The following SECISBP2 variants were observed in gnomAD, a reference collection of about 807,000 sequenced individuals.
SECISBP2 encodes the protein selenocysteine insertion sequence-binding protein 2.
A neutral mutation model predicts 98.2 loss-of-function variants in SECISBP2; 96 were observed. That is an observed-to-expected ratio of 0.98 (90% CI 0.83 to 1.16). The LOEUF (loss-of-function observed/expected upper bound fraction) is 1.16. Ranked by LOEUF, SECISBP2 falls within the 50% of genes most tolerant of loss-of-function variation. The pLI is 0.00. For missense variants in SECISBP2, 1,046 were observed against 1,022.9 expected (o/e 1.02, Z -0.31); for synonymous variants, 407 against 370.2 (o/e 1.10, Z -1.14).
At position 89,329,088 on chromosome 9, in the gene SECISBP2, C is replaced by G. The variant is rs940915824; in HGVS notation, c.801+202C>G. 1.2e-5 allele frequency: 7 copies of G among 586,608 alleles called. No individual in the cohort carries two copies. In the East Asian group the frequency reaches 2.0e-4, roughly 17 times the overall value. The allele number at this position is 586,608 out of a possible 1,614,324, so 36.3% of individuals were successfully genotyped here. A position where few individuals can be genotyped will look rare whatever the true frequency, so the allele number is the denominator to read the frequency against. On this transcript the variant is annotated intron_variant, in intron 5 of 16. Coordinates refer to ENST00000375807, the MANE Select transcript of SECISBP2 (RefSeq NM_024077.5). ...AATGAGGCTGTAACATCTAGTGCAG[C>G]TATTGTTTTATTTGTGCGTTTTGTT... is the stretch of plus-strand genomic sequence containing the variant.
At chr9:89,353,235 T>A (rs1480133512) in intron 14 of SECISBP2, among the ~76,000 whole-genome samples, 1 of 152,194 alleles carries the variant, frequency 6.6e-6, no homozygotes, top group Non-Finnish European at 1.5e-5. Context: ...CTGTTGCTGC[T>A]TCTCCAAGGA....
At chr9:89,336,553 A>G (rs756804578) in intron 7 of SECISBP2, among the ~76,000 whole-genome samples, 1 of 152,126 alleles carries the variant, frequency 6.6e-6, no homozygotes, top group South Asian at 2.1e-4. Flanking sequence ...AATGGTAGCT[A>G]TGTATTTATA....
rs1167198560 is a variant in SECISBP2, at chr9:89,358,047, T to A, written c.2317T>A (p.Tyr773Asn). ...VELTVAARQA[Y>N]KTMLENVQQE... ...GCTGACAGTGGCGGCCCGACAGGCGTACAAGACCATGCTGGAGAATGTGCA... is the reference window on the plus strand; with the variant it reads ...GCTGACAGTGGCGGCCCGACAGGCGAACAAGACCATGCTGGAGAATGTGCA... Residue 773 changes from tyrosine (Y) to asparagine (N), a missense_variant, in exon 16 of 17, where the codon TAC becomes AAC. By Grantham distance (143) the Tyr-to-Asn change is moderately radical. Transcript: ENST00000375807. 1.2e-6 allele frequency: 2 copies of A among 1,613,512 alleles called. No individual in the cohort carries two copies. The highest frequency in any genetic ancestry group is 2.2e-5 in the South Asian group (2 of 90,980).
intron 7 of SECISBP2, among the ~76,000 whole-genome samples, chr9:89,336,469 G>A (rs78816188): frequency 0.042 from 6,390 of 151,950 alleles, 197 homozygotes; most frequent in African/African-American, 0.085. Context: ...CTTGTTTAGC[G>A]TAATGGTTTC....
At chr9:89,334,243 A>G in intron 6 of SECISBP2, 8 of 1,168,732 alleles carry the variant, frequency 6.8e-6, no homozygotes, top group Non-Finnish European at 8.9e-6. Context: ...TTTTTTAACT[A>G]AAACTACTGT....
downstream of SECISBP2, chr9:89,362,517 G>T (rs1016523807): frequency 3.7e-6 from 6 of 1,610,734 alleles, no homozygotes; most frequent in Admixed American, 1.7e-5. Context: ...GCCCATCCCA[G>T]GCAGAGCACT....
At chr9:89,336,095 T>TTTTTTTTTTTTTTTTTTTTTTTTTTTTC (rs1828645114) in intron 7 of SECISBP2, among the ~76,000 whole-genome samples, 1 of 140,364 alleles carries the variant, frequency 7.1e-6, no homozygotes, top group Non-Finnish European at 1.5e-5. Flanking sequence ...TTTTTTTTTT[T>TTTTTTTTTTTTTTTTTTTTTTTTTTTTC]TTTTTTTTTT....
rs1825097411 is a variant in SECISBP2, at chr9:89,318,580, G to A, written c.4G>A (p.Ala2Thr). Residue 2 changes from alanine (A) to threonine (T), a missense_variant, in exon 1 of 17, where the codon GCG (alanine) becomes ACG (threonine). By Grantham distance (58) the Ala-to-Thr change is moderately conservative (BLOSUM62 0). Coordinates refer to ENST00000375807, the MANE Select transcript of SECISBP2 (RefSeq NM_024077.5). Reference protein sequence around the residue: MASEGPREPESE... With the variant: MTSEGPREPESE... ...GGCCTCCTCCGCGCCTCGCGGCATGGCGTCGGAGGGGCCGCGGGAGCCCGA... is the reference window on the plus strand; with the variant it reads ...GGCCTCCTCCGCGCCTCGCGGCATGACGTCGGAGGGGCCGCGGGAGCCCGA... The A allele has an allele frequency of 4.0e-6, 6 of 1,487,398 alleles. No individual in the cohort carries two copies. The South Asian group carries it at 7.6e-5, about 19-fold the overall frequency. 92.1% of individuals were successfully genotyped at this position (1,487,398 alleles called of 1,614,324 possible).
At chr9:89,337,525 C>G (rs1828955515) in intron 7 of SECISBP2, among the ~76,000 whole-genome samples, 1 of 152,100 alleles carries the variant, frequency 6.6e-6, no homozygotes, top group Non-Finnish European at 1.5e-5. Flanking sequence ...AGAGGGGTTT[C>G]TCTGTTTTTT....
intron 8 of SECISBP2, 127 bp from the exon 9 acceptor site, chr9:89,339,737 T>A (rs1408111643): frequency 5.5e-6 from 4 of 727,204 alleles, no homozygotes; most frequent in South Asian, 4.6e-5. Flanking sequence ...TGTGAGAGTT[T>A]CGCGGCTTTT....
chr9:89,350,856 A>G lies in SECISBP2; in HGVS notation c.2113+4A>G. ...TGTGAGAAGATACAGTCAAAAGGTA[A>G]AGGCACAGTGTGGTCCTGTGATATG... is the stretch of plus-strand genomic sequence containing the variant. On this transcript the variant is annotated splice_donor_region_variant and intron_variant, in intron 14 of 16. Transcript: ENST00000375807. The G allele has an allele frequency of 6.2e-7, 1 of 1,612,912 alleles. No individual in the cohort carries two copies. Among genetic ancestry groups the G allele is most frequent in the Non-Finnish European group, 8.5e-7 (1 of 1,179,112 alleles).
chr9:89,332,821 CAA>C, intron 5 of SECISBP2, 85 bp from the exon 6 acceptor site: 1 of 1,053,924 alleles, frequency 9.5e-7, no homozygotes, highest in African/African-American at 1.6e-5. Context: ...TTTCTGTTGT[CAA>C]AGTGTTCTGG....
At chr9:89,320,381 T>A (rs76961362) in intron 2 of SECISBP2, among the ~76,000 whole-genome samples, 1,741 of 106,380 alleles carry the variant, frequency 0.016, 26 homozygotes, top group Admixed American at 0.036. Context: ...AAAAAAAAAA[T>A]CCCGTTTCAA....
In SECISBP2 at chr9:89,358,074, C is replaced by G; in HGVS notation, c.2344C>G (p.Gln782Glu). The change falls in exon 16 of 17, where the codon CAG (glutamine) becomes GAG (glutamate). Residue 782 changes from glutamine to glutamate, a missense_variant. Gln to Glu is a conservative substitution (Grantham distance 29). Transcript: ENST00000375807. The stretch of plus-strand genomic sequence containing the variant: ...CAAGACCATGCTGGAGAATGTGCAG[C>G]AGGAGCTGGTGGGAGAGCCCAGGCC... Reference protein sequence around the residue: ...AYKTMLENVQQELVGEPRPQA... With the variant: ...AYKTMLENVQEELVGEPRPQA... 1 of 1,613,816 alleles carries G rather than the reference C, an allele frequency of 6.2e-7. No homozygotes were observed. Among genetic ancestry groups the G allele is most frequent in the Non-Finnish European group, 8.5e-7 (1 of 1,180,018 alleles).
At chr9:89,363,726 A>G (rs1243587574), downstream of SECISBP2, 3 of 1,609,512 alleles carry the variant, frequency 1.9e-6, no homozygotes, top group African/African-American at 2.7e-5. Context: ...AACAGTGGGC[A>G]TGGGAATCAC....
At chr9:89,332,230 A>G (rs1345237601) in intron 5 of SECISBP2, among the ~76,000 whole-genome samples, 3 of 147,376 alleles carry the variant, frequency 2.0e-5, no homozygotes, top group Non-Finnish European at 3.0e-5. Context: ...CCTTGCCTGC[A>G]CACACACACA....
intron 5 of SECISBP2, among the ~76,000 whole-genome samples, chr9:89,331,782 G>A (rs1827795583): frequency 6.6e-6 from 1 of 152,222 alleles, no homozygotes; most frequent in Non-Finnish European, 1.5e-5. Context: ...ATTGTGTGGT[G>A]CATCTGTGCC....
intron 4 of SECISBP2, among the ~76,000 whole-genome samples, chr9:89,327,378 C>T (rs919237401): frequency 6.6e-6 from 1 of 152,086 alleles, no homozygotes; most frequent in Middle Eastern, 3.4e-3. Flanking sequence ...AATAATTAAC[C>T]TTAGCTTACT....
intron 14 of SECISBP2, among the ~76,000 whole-genome samples, chr9:89,352,578 A>G (rs933373194): frequency 1.3e-5 from 2 of 152,156 alleles, no homozygotes; most frequent in African/African-American, 4.8e-5. Context: ...GTTTGCATCC[A>G]GTGTCTTTGG....
Sources: gnomAD v4.1 joint callset for allele counts (sites outside exome capture counted in the v4.1 genomes callset) on GRCh38, gnomAD v4.1.1 for gene constraint, MANE v1.5 for transcripts, NCBI Gene and HGNC (gene_info 2026-07-23, HGNC 2026-07-21) for gene names.